Variants in PRKCH observed in about 807,000 individuals in gnomAD.
PRKCH encodes the protein protein kinase C eta.
In PRKCH, 28 loss-of-function variants were observed where a neutral mutation model predicts 82.5. The observed-to-expected ratio is 0.34, with a 90% CI of 0.25 to 0.47. PRKCH has a LOEUF of 0.47. Among genes scored for constraint, PRKCH ranks in the 20% least tolerant of loss-of-function variants. The pLI, the probability that PRKCH is intolerant of heterozygous loss-of-function variation, is 1.00. For missense variants in PRKCH, 705 were observed against 881.8 expected (o/e 0.80, Z 2.54); for synonymous variants, 322 against 327.4 (o/e 0.98, Z 0.18).
At chr14:61,209,260 G>C (rs1219426175) in intron 1 of PRKCH, among the ~76,000 whole-genome samples, 1 of 144,268 alleles carries the variant, frequency 6.9e-6, no homozygotes, top group East Asian at 2.1e-4. Context: ...TACCCAGCCT[G>C]TGGTATTCTG....
intron 12 of PRKCH, among the ~76,000 whole-genome samples, chr14:61,534,707 A>G (rs2043084752): frequency 6.6e-6 from 1 of 152,168 alleles, no homozygotes; most frequent in Non-Finnish European, 1.5e-5. Flanking sequence ...TCATCTGTAG[A>G]TGAGGAAACG....
At chr14:61,323,085 C>T (rs888931531) in intron 1 of PRKCH, among the ~76,000 whole-genome samples, 1 of 152,170 alleles carries the variant, frequency 6.6e-6, no homozygotes. Flanking sequence ...GTAACTTAGT[C>T]AGTCCGAGGT....
At chr14:61,293,223 C>G (rs2045378604) in intron 1 of PRKCH, among the ~76,000 whole-genome samples, 1 of 152,248 alleles carries the variant, frequency 6.6e-6, no homozygotes, top group African/African-American at 2.4e-5. Context: ...GATAGACCTT[C>G]CATCTTCACA....
chr14:61,353,083 A>G (rs908294478), intron 1 of PRKCH, among the ~76,000 whole-genome samples: 7 of 152,220 alleles, frequency 4.6e-5, no homozygotes, highest in Non-Finnish European at 1.0e-4. Flanking sequence ...AGATTTTGAC[A>G]ACAAATGTTA....
At chr14:61,266,326 G>A (rs1319969147) in intron 1 of PRKCH, among the ~76,000 whole-genome samples, 1 of 152,046 alleles carries the variant, frequency 6.6e-6, no homozygotes, top group Non-Finnish European at 1.5e-5. Flanking sequence ...GCTGAGGTAG[G>A]AGAATCACTT....
At chr14:61,271,834 C>T (rs2045156092) in intron 1 of PRKCH, among the ~76,000 whole-genome samples, 1 of 152,230 alleles carries the variant, frequency 6.6e-6, no homozygotes, top group South Asian at 2.1e-4. Context: ...GGAAACCTGG[C>T]TGTCCCCAAC....
intron 9 of PRKCH, among the ~76,000 whole-genome samples, chr14:61,473,951 G>T (rs1364139042): frequency 6.6e-6 from 1 of 151,492 alleles, no homozygotes. Context: ...CCAAGATCAC[G>T]CCATTGCACT....
chr14:61,451,010 G>T (rs1457217615), intron 6 of PRKCH, 39 bp downstream of exon 6: 1 of 1,606,910 alleles, frequency 6.2e-7, no homozygotes, highest in African/African-American at 1.3e-5. Context: ...CTCTTCATGG[G>T]AACACTATGC....
chr14:61,195,629 T>C (rs1485581412), intron 1 of PRKCH, among the ~76,000 whole-genome samples: 1 of 152,196 alleles, frequency 6.6e-6, no homozygotes, highest in African/African-American at 2.4e-5. Context: ...GAATTAAGAA[T>C]CAGGGCATAT....
intron 1 of PRKCH, among the ~76,000 whole-genome samples, chr14:61,289,543 T>TA (rs1370085344): frequency 6.6e-6 from 1 of 151,928 alleles, no homozygotes; most frequent in Non-Finnish European, 1.5e-5. Context: ...CCTGTCTCTA[T>TA]AAAAAATACC....
intron 1 of PRKCH, chr14:61,278,803 C>T (rs2045226711): frequency 6.6e-6 from 1 of 151,888 alleles, no homozygotes; most frequent in Non-Finnish European, 1.5e-5. Context: ...TGAGTGTAAA[C>T]TTCATCTCAA....
intron 1 of PRKCH, among the ~76,000 whole-genome samples, chr14:61,365,543 A>C (rs2046287564): frequency 6.6e-6 from 1 of 152,122 alleles, no homozygotes; most frequent in Non-Finnish European, 1.5e-5. Flanking sequence ...GATTATTAGC[A>C]AGAACTTAAA....
At chr14:61,502,754 A>T (rs535608614) in intron 10 of PRKCH, among the ~76,000 whole-genome samples, 1 of 152,142 alleles carries the variant, frequency 6.6e-6, no homozygotes, top group Non-Finnish European at 1.5e-5. Context: ...AGCAGCCCCA[A>T]ATCTTGCAAA....
chr14:61,317,584 T>A (rs142739237), upstream of PRKCH, among the ~76,000 whole-genome samples: 1 of 152,212 alleles, frequency 6.6e-6, no homozygotes, highest in Admixed American at 6.5e-5. Context: ...CATGTGGCGT[T>A]CTTTAGTCCT....
chr14:61,218,995 G>A (rs1186312534), intron 1 of PRKCH, among the ~76,000 whole-genome samples: 4 of 152,250 alleles, frequency 2.6e-5, no homozygotes, highest in Admixed American at 2.0e-4. Context: ...TGACCCAGCT[G>A]TTTTGAATTA....
intron 1 of PRKCH, among the ~76,000 whole-genome samples, chr14:61,270,182 C>G (rs999131592): frequency 1.3e-5 from 2 of 152,106 alleles, no homozygotes; most frequent in Admixed American, 1.3e-4. Flanking sequence ...ATGAAAGACA[C>G]TGAGGTTGGG....
rs562787540 is a variant in PRKCH at position 61,321,785 on chromosome 14, C to G, written c.-317C>G. 1 of 241,544 alleles carries G rather than the reference C, an allele frequency of 4.1e-6. No individual in the cohort carries two copies. Among genetic ancestry groups the G allele is most frequent in the Non-Finnish European group, 8.1e-6 (1 of 123,498 alleles). The allele number at this position is 241,544 out of a possible 1,614,324, so 15.0% of individuals were successfully genotyped here. On this transcript the variant is annotated 5_prime_UTR_variant, in exon 1 of 14. Coordinates refer to ENST00000332981, the MANE Select transcript of PRKCH (RefSeq NM_006255.5). This position sits in a 1 kb window ranked among gnomAD's most constrained non-coding sequence, Gnocchi z 4.1. ...CGGCTCTCCAGGGAGAGGAGCTGCCCGGCCCTGGAGAAGGGGCGAGTCCTG... is the reference window on the plus strand; with the variant it reads ...CGGCTCTCCAGGGAGAGGAGCTGCCGGGCCCTGGAGAAGGGGCGAGTCCTG...
intron 12 of PRKCH, among the ~76,000 whole-genome samples, chr14:61,544,901 T>C (rs1594802016): frequency 6.6e-6 from 1 of 152,212 alleles, no homozygotes; most frequent in Non-Finnish European, 1.5e-5. Flanking sequence ...TCCACGGCCC[T>C]CTAGAATGTG....
intron 9 of PRKCH, among the ~76,000 whole-genome samples, chr14:61,465,440 G>A (rs1885211911): frequency 6.6e-6 from 1 of 152,144 alleles, no homozygotes; most frequent in South Asian, 2.1e-4. Flanking sequence ...TCTTCTGCAT[G>A]TAGATATCCA....
Sources: allele counts gnomAD v4.1 joint callset (sites outside exome capture counted in the v4.1 genomes callset), GRCh38; gene constraint gnomAD v4.1.1; non-coding constraint Gnocchi (gnomAD v3.1); transcripts MANE v1.5; gene names NCBI Gene and HGNC (gene_info 2026-07-23, HGNC 2026-07-21).